SGCD: variants seen among roughly 807,000 people sequenced by gnomAD.
SGCD encodes the protein delta-sarcoglycan.
A neutral mutation model predicts 36.6 loss-of-function variants in SGCD; 18 were observed. That is an observed-to-expected ratio of 0.49 (90% CI 0.34 to 0.73). The LOEUF (loss-of-function observed/expected upper bound fraction) is 0.73, where lower values mean the gene tolerates loss of function less well. SGCD is among the 30% of genes least tolerant of loss of function. The pLI is 0.01. For synonymous variants in SGCD, 133 were observed against 130.6 expected, an observed-to-expected ratio of 1.02 and a Z score of -0.12; for missense variants, 387 against 346.7, an observed-to-expected ratio of 1.12 and a Z score of -0.92.
intron 6 of SGCD, among the ~76,000 whole-genome samples, chr5:156,614,591 C>T (rs1761955046): frequency 1.3e-5 from 2 of 152,324 alleles, no homozygotes; most frequent in South Asian, 4.1e-4. Flanking sequence ...AGATTCAAAC[C>T]TGTTGACTCC....
intron 3 of SGCD, among the ~76,000 whole-genome samples, chr5:156,198,753 G>A (rs1289137010): frequency 6.6e-6 from 1 of 152,132 alleles, no homozygotes; most frequent in Non-Finnish European, 1.5e-5. Flanking sequence ...TTGAAGTGTG[G>A]CAGAGTTGTC....
upstream of SGCD, among the ~76,000 whole-genome samples, chr5:155,868,023 G>A (rs2113267593): frequency 6.6e-6 from 1 of 152,088 alleles, no homozygotes. Flanking sequence ...AAATTCACAA[G>A]TTAAGTTGCA....
chr5:156,400,144 C>G (rs1163573404), intron 3 of SGCD, among the ~76,000 whole-genome samples: 1 of 152,112 alleles, frequency 6.6e-6, no homozygotes, highest in Non-Finnish European at 1.5e-5. Flanking sequence ...ATCAGACTCA[C>G]CTGGAAGGCT....
intron 4 of SGCD, among the ~76,000 whole-genome samples, chr5:156,570,109 A>G (rs1357701297): frequency 6.6e-6 from 1 of 152,156 alleles, no homozygotes; most frequent in Non-Finnish European, 1.5e-5. Context: ...ATCAATATGG[A>G]CTAAAACAGC....
chr5:156,422,176 T>C (rs1438733317), intron 3 of SGCD, among the ~76,000 whole-genome samples: 1 of 152,062 alleles, frequency 6.6e-6, no homozygotes, highest in African/African-American at 2.4e-5. Context: ...GGGAACTGTT[T>C]GCTGTGAGCA....
At chr5:156,090,153 ACAGAAACT>A (rs1289790210) in intron 1 of SGCD, among the ~76,000 whole-genome samples, 2 of 152,136 alleles carry the variant, frequency 1.3e-5, no homozygotes, top group Non-Finnish European at 2.9e-5. Flanking sequence ...CTGGGTAGGC[ACAGAAACT>A]GCTCCTAACA....
At chr5:156,634,781 A>G (rs574549200) in intron 6 of SGCD, among the ~76,000 whole-genome samples, 1 of 152,318 alleles carries the variant, frequency 6.6e-6, no homozygotes, top group African/African-American at 2.4e-5. Flanking sequence ...AAACAACTAA[A>G]CAAACATCAA....
At chr5:156,297,694 G>A (rs1051267777) in intron 3 of SGCD, among the ~76,000 whole-genome samples, 1 of 151,118 alleles carries the variant, frequency 6.6e-6, no homozygotes, top group Non-Finnish European at 1.5e-5. Context: ...GCTAGATGAC[G>A]AGTTAGTGGG....
chr5:156,744,149 C>T (rs554042756), intron 7 of SGCD, among the ~76,000 whole-genome samples: 1 of 152,324 alleles, frequency 6.6e-6, no homozygotes, highest in Admixed American at 6.5e-5. Flanking sequence ...AGACCCCTGT[C>T]TCTATAAATC....
At chr5:155,833,984 C>T in the SGCD span, among the ~76,000 whole-genome samples, 4 of 152,242 alleles carry the variant, frequency 2.6e-5, no homozygotes, top group South Asian at 2.1e-4. Flanking sequence ...CTTCCTTTCA[C>T]ACCTGCTTAG....
At chr5:156,048,018 T>C (rs964052818) in intron 1 of SGCD, among the ~76,000 whole-genome samples, 23 of 152,212 alleles carry the variant, frequency 1.5e-4, no homozygotes, top group African/African-American at 4.6e-4. Flanking sequence ...TTCCCCTTCC[T>C]GTGTCCATGT....
the SGCD span, among the ~76,000 whole-genome samples, chr5:155,755,259 TAAAAC>T: frequency 1.3e-5 from 2 of 152,240 alleles, no homozygotes; most frequent in African/African-American, 4.8e-5. Flanking sequence ...ACACATTTAT[TAAAAC>T]AAAAAGATTA....
rs6556621 is a variant in SGCD, at chr5:156,434,430, C to A, written c.193-74171C>A. Reference sequence around the variant, plus strand: ...CCCTCCCTCTCCAGTCCCATTTAAGCCTTTATTTTTCAGCCCTTGTCATAT... The same window carrying A: ...CCCTCCCTCTCCAGTCCCATTTAAGACTTTATTTTTCAGCCCTTGTCATAT... On this transcript the variant is annotated intron_variant, in intron 3 of 8. Coordinates refer to ENST00000337851, the MANE Select transcript of SGCD (RefSeq NM_000337.6). 0.47 allele frequency among the ~76,000 whole-genome samples: 70,993 copies of A among 151,918 alleles called. 16,756 individuals are homozygous for A. The highest frequency in any genetic ancestry group is 0.59 in the Middle Eastern group (172 of 294).
chr5:155,836,475 C>T, the SGCD span, among the ~76,000 whole-genome samples: 1 of 138,522 alleles, frequency 7.2e-6, no homozygotes, highest in Non-Finnish European at 1.5e-5. Context: ...TACCCACCCC[C>T]GCCCCGCACT....
At chr5:155,753,471 C>T in the SGCD span, among the ~76,000 whole-genome samples, 4 of 152,090 alleles carry the variant, frequency 2.6e-5, no homozygotes, top group Non-Finnish European at 4.4e-5. Context: ...TAAAAAGGAT[C>T]GGACAATGTG....
the SGCD span, among the ~76,000 whole-genome samples, chr5:155,728,658 G>A: frequency 1.3e-5 from 2 of 152,098 alleles, no homozygotes; most frequent in South Asian, 2.1e-4. Context: ...CTATTCCGTT[G>A]GCAAGTCCCT....
intron 7 of SGCD, among the ~76,000 whole-genome samples, chr5:156,715,659 C>T (rs1364605486): frequency 6.6e-6 from 1 of 152,204 alleles, no homozygotes; most frequent in African/African-American, 2.4e-5. Flanking sequence ...TGAATTGCAG[C>T]TTGCCACTTA....
At chr5:156,474,250 T>C (rs905581836) in intron 3 of SGCD, among the ~76,000 whole-genome samples, 4 of 152,166 alleles carry the variant, frequency 2.6e-5, no homozygotes, top group Non-Finnish European at 1.5e-5. Context: ...TAGTGAAAGA[T>C]GGAAAAACTG....
chr5:156,045,914 G>C (rs1759754137), intron 1 of SGCD, among the ~76,000 whole-genome samples: 1 of 152,154 alleles, frequency 6.6e-6, no homozygotes, highest in Non-Finnish European at 1.5e-5. Context: ...CAAACATTTA[G>C]TCTATGACAG....
Sources: allele counts gnomAD v4.1 joint callset (sites outside exome capture counted in the v4.1 genomes callset), GRCh38; gene constraint gnomAD v4.1.1; transcripts MANE v1.5; gene names NCBI Gene and HGNC (gene_info 2026-07-23, HGNC 2026-07-21).